LIPA: variants seen among roughly 807,000 people sequenced by gnomAD.
LIPA encodes the protein lysosomal acid lipase/cholesteryl ester hydrolase.
LIPA carries 26 observed loss-of-function variants against 40.6 expected under a neutral mutation model. That is an observed-to-expected ratio of 0.64 (90% CI 0.47 to 0.89). The LOEUF (loss-of-function observed/expected upper bound fraction) is 0.89, where lower values mean the gene tolerates loss of function less well. Ranked by LOEUF, LIPA falls within the 40% of genes least tolerant of loss-of-function variation. LIPA has a pLI of 0.00. For missense variants in LIPA, 455 were observed against 479.6 expected (o/e 0.95, Z 0.48); for synonymous variants, 188 against 168.4 (o/e 1.12, Z -0.90).
intron 2 of LIPA, among the ~76,000 whole-genome samples, chr10:89,401,805 C>G (rs944160150): frequency 1.0e-4 from 15 of 150,206 alleles, no homozygotes; most frequent in Admixed American, 9.9e-4. Context: ...AAAAAAAACC[C>G]GGGTCAAATA....
At chr10:89,301,288 T>G (rs1843443830) in intron 1 of LIPA, among the ~76,000 whole-genome samples, 1 of 152,266 alleles carries the variant, frequency 6.6e-6, no homozygotes, top group Non-Finnish European at 1.5e-5. Context: ...TGCCATACCA[T>G]GCAATGTGCA....
intron 2 of LIPA, among the ~76,000 whole-genome samples, chr10:89,373,093 G>T (rs1401760963): frequency 6.6e-6 from 1 of 151,854 alleles, no homozygotes; most frequent in Non-Finnish European, 1.5e-5. Context: ...CAGCACTTTG[G>T]GAGGCAGAGG....
At chr10:89,258,529 T>TA (rs1187850436) in intron 1 of LIPA, among the ~76,000 whole-genome samples, 1 of 152,110 alleles carries the variant, frequency 6.6e-6, no homozygotes, top group East Asian at 1.9e-4. Flanking sequence ...ATAGCTATAA[T>TA]AAAAAATACA....
In LIPA at chr10:89,234,124, C is replaced by T. The variant is rs375424883; in HGVS notation, c.230-5726G>A. The stretch of plus-strand genomic sequence containing the variant: ...TTTGACCTGGATTCTAAGTAAGAGA[C>T]AGATGTTTCCACAAAGGGTTCTGGA... On this transcript the variant is annotated intron_variant, in intron 3 of 9. Coordinates refer to ENST00000336233, the MANE Select transcript of LIPA (RefSeq NM_000235.4). Among the ~76,000 whole-genome samples the T allele has an allele frequency of 9.8e-5, 15 of 152,340 alleles. No homozygotes were observed. The South Asian group carries it at 3.1e-3, about 32-fold the overall frequency.
intron 2 of LIPA, among the ~76,000 whole-genome samples, chr10:89,394,912 G>T (rs909960110): frequency 6.6e-6 from 1 of 151,652 alleles, no homozygotes; most frequent in African/African-American, 2.4e-5. Flanking sequence ...CCTATTGTGG[G>T]TATTTCATAT....
At chr10:89,247,006 A>G (rs560597923) in intron 2 of LIPA, among the ~76,000 whole-genome samples, 1 of 152,332 alleles carries the variant, frequency 6.6e-6, no homozygotes, top group South Asian at 2.1e-4. Flanking sequence ...AGAAGTATAT[A>G]TAACATTAAA....
upstream of LIPA, among the ~76,000 whole-genome samples, chr10:89,343,157 T>G (rs2133580656): frequency 6.6e-6 from 1 of 152,320 alleles, no homozygotes; most frequent in Middle Eastern, 3.4e-3. Flanking sequence ...CATAACAAAT[T>G]TACTTAATCA....
chr10:89,403,618 A>G, intron 2 of LIPA: 1 of 1,614,100 alleles, frequency 6.2e-7, no homozygotes, highest in East Asian at 2.2e-5. Context: ...TTCGTCTACA[A>G]ATTGGAAGGA....
At chr10:89,246,600 A>C (rs538363885) in intron 2 of LIPA, among the ~76,000 whole-genome samples, 2 of 152,300 alleles carry the variant, frequency 1.3e-5, no homozygotes, top group African/African-American at 4.8e-5. Context: ...GCGAGTCCCT[A>C]AGCTTGCCTG....
chr10:89,403,493 A>G lies in LIPA; in HGVS notation c.61+9298T>C, dbSNP rs763411464. 3.7e-6 allele frequency: 6 copies of G among 1,612,350 alleles called. No homozygotes were observed. The Admixed American group carries it at 5.0e-5, about 14-fold the overall frequency. On this transcript the variant is annotated intron_variant, in intron 2 of 8. Coordinates refer to the LIPA transcript ENST00000371837. ...CAATTATCCATTATTTAAAAGCTAT[A>G]AAAATAGAACAGGCATCATTAACAA... is the stretch of plus-strand genomic sequence containing the variant.
At chr10:89,378,534 C>T (rs1844139146) in intron 2 of LIPA, among the ~76,000 whole-genome samples, 1 of 152,166 alleles carries the variant, frequency 6.6e-6, no homozygotes, top group East Asian at 1.9e-4. Flanking sequence ...CACTGACAAC[C>T]TCAAGCAGAG....
upstream of LIPA, among the ~76,000 whole-genome samples, chr10:89,346,411 C>A (rs1358138630): frequency 6.6e-6 from 1 of 152,170 alleles, no homozygotes; most frequent in Non-Finnish European, 1.5e-5. Context: ...TGGGATCTTC[C>A]CCAAAATGAC....
At chr10:89,380,131 A>G (rs1464339006) in intron 2 of LIPA, among the ~76,000 whole-genome samples, 2 of 151,918 alleles carry the variant, frequency 1.3e-5, no homozygotes, top group Non-Finnish European at 2.9e-5. Flanking sequence ...TAGCTAGTCT[A>G]TGTGAGAGGT....
rs183597811 is a variant in LIPA, at chr10:89,406,994, G to T, written c.61+5797C>A. Among the ~76,000 whole-genome samples the T allele has an allele frequency of 2.0e-5, 3 of 152,258 alleles. No individual in the cohort carries two copies. The South Asian group carries it at 6.2e-4, about 32-fold the overall frequency. On this transcript the variant is annotated intron_variant, in intron 2 of 8. Coordinates refer to the LIPA transcript ENST00000371837. ...CCAGTTAAAAGCAACTAGTGTGGCC[G>T]CCAGACTAAAGACACGGGTGTCAGG...
At chr10:89,361,433 T>C (rs1844021067) in intron 2 of LIPA, among the ~76,000 whole-genome samples, 1 of 152,222 alleles carries the variant, frequency 6.6e-6, no homozygotes, top group Non-Finnish European at 1.5e-5. Context: ...TTTTCAAATC[T>C]TAATGGACCA....
intron 2 of LIPA, chr10:89,392,612 G>A (rs981790180): frequency 7.7e-7 from 1 of 1,297,002 alleles, no homozygotes; most frequent in Admixed American, 1.7e-5. Context: ...ACTGTCTTGG[G>A]GTTTAAACGT....
At chr10:89,412,882 T>C (rs751244115) in exon 2 of LIPA, 11 of 269,198 alleles carry the variant, frequency 4.1e-5, no homozygotes, top group Non-Finnish European at 7.6e-6. Flanking sequence ...ACAGCGAGAG[T>C]CCGCAGCTTC....
At chr10:89,340,223 A>G in intron 1 of LIPA, 2 of 1,311,964 alleles carry the variant, frequency 1.5e-6, no homozygotes. Context: ...GGGATTGCTG[A>G]GCAGGGAAGC....
chr10:89,380,729 G>C (rs2133602653), intron 2 of LIPA, among the ~76,000 whole-genome samples: 1 of 152,228 alleles, frequency 6.6e-6, no homozygotes, highest in East Asian at 1.9e-4. Flanking sequence ...CACCACGCTG[G>C]GGCCTAATTT....
Sources: gnomAD v4.1 joint callset for allele counts (sites outside exome capture counted in the v4.1 genomes callset) on GRCh38, gnomAD v4.1.1 for gene constraint, MANE v1.5 for transcripts, NCBI Gene and HGNC (gene_info 2026-07-23, HGNC 2026-07-21) for gene names.